SBF2: variants seen among roughly 807,000 people sequenced by gnomAD.
The protein encoded by SBF2 is SET binding factor 2, also known as myotubularin-related protein 13.
In SBF2, 112 loss-of-function variants were observed where a neutral mutation model predicts 225.2. The observed-to-expected ratio is 0.50, with a 90% CI of 0.43 to 0.58. SBF2 has a LOEUF of 0.58. Ranked by LOEUF, SBF2 falls within the 20% of genes least tolerant of loss-of-function variation. The probability of loss-of-function intolerance (pLI) is 0.00; values close to 1 mark genes in which losing one functional copy is unlikely to be tolerated. For synonymous variants in SBF2, 763 were observed against 773.3 expected (o/e 0.99, Z 0.22); for missense variants, 1,996 against 2,206.2 (o/e 0.90, Z 1.91).
intron 1 of SBF2, among the ~76,000 whole-genome samples, chr11:10,212,075 T>C (rs1957961868): frequency 6.6e-6 from 1 of 152,220 alleles, no homozygotes; most frequent in Admixed American, 6.5e-5. Flanking sequence ...GATGTGAGAC[T>C]GCTTTGGTAA....
rs1300927072 is a variant in SBF2 at position 10,177,429 on chromosome 11, A to T, written c.141+16473T>A. 2.0e-5 allele frequency among the ~76,000 whole-genome samples: 3 copies of T among 150,174 alleles called. No individual in the cohort carries two copies. In the East Asian group the frequency reaches 6.1e-4, roughly 30 times the overall value. ...CCCTGTTTGCAGACGACATGATTGT[A>T]TATCTAGAAAACCCCATTGTCTCAG... On this transcript the variant is annotated intron_variant, in intron 2 of 39. Coordinates refer to ENST00000256190, the MANE Select transcript of SBF2 (RefSeq NM_030962.4).
At chr11:9,856,897 C>G (rs1437975116) in intron 18 of SBF2, among the ~76,000 whole-genome samples, 177 bp from the exon 19 acceptor site, 2 of 151,558 alleles carry the variant, frequency 1.3e-5, no homozygotes, top group Non-Finnish European at 2.9e-5. Context: ...ACGCCATTCT[C>G]CTGCCTCAGC....
chr11:10,003,964 T>C (rs1948082326), intron 6 of SBF2, among the ~76,000 whole-genome samples: 1 of 152,202 alleles, frequency 6.6e-6, no homozygotes, highest in Non-Finnish European at 1.5e-5. Context: ...ATATTTTCCC[T>C]TTATCATAGC....
At position 9,781,614 on chromosome 11, in the gene SBF2, C is replaced by T; in HGVS notation, c.5344G>A (p.Asp1782Asn). 2 of 1,614,222 alleles carry T rather than the reference C, an allele frequency of 1.2e-6. No homozygotes were observed. Among genetic ancestry groups the T allele is most frequent in the Non-Finnish European group, 8.5e-7 (1 of 1,180,038 alleles). The change falls in exon 39 of 40, where the codon GAC becomes AAC. Residue 1782 changes from aspartate (D) to asparagine (N), a missense_variant. Physicochemically the swap from Asp to Asn is conservative, Grantham distance 23. Coordinates refer to ENST00000256190, the MANE Select transcript of SBF2 (RefSeq NM_030962.4). ...HQLRYYDSGE[D>N]TSCKGHIDLA... The stretch of plus-strand genomic sequence containing the variant: ...TCAATGTGGCCTTTACAGCTTGTGT[C>T]CTCACCTGAGTCATAGTAGCGCAGC...
chr11:9,981,285 C>T (rs894849678), intron 13 of SBF2, among the ~76,000 whole-genome samples: 2 of 152,102 alleles, frequency 1.3e-5, no homozygotes, highest in African/African-American at 4.8e-5. Flanking sequence ...CAACAATAGA[C>T]ACCGAGGACT....
chr11:9,846,211 A>G (rs1194904708), intron 23 of SBF2, among the ~76,000 whole-genome samples: 1 of 152,210 alleles, frequency 6.6e-6, no homozygotes, highest in Non-Finnish European at 1.5e-5. Context: ...TAGGCAGCCA[A>G]TGCTTTCAGG....
intron 2 of SBF2, among the ~76,000 whole-genome samples, chr11:10,066,231 G>A (rs1950618848): frequency 1.3e-5 from 2 of 151,544 alleles, no homozygotes; most frequent in South Asian, 2.1e-4. Flanking sequence ...TTATAAGGCC[G>A]ACATTACCAA....
chr11:10,030,831 C>A (rs566336750), intron 4 of SBF2, among the ~76,000 whole-genome samples: 6 of 152,286 alleles, frequency 3.9e-5, no homozygotes, highest in African/African-American at 1.4e-4. Context: ...TTAAAACAAA[C>A]ACTACATCCT....
chr11:9,916,121 C>G (rs1267813071), intron 16 of SBF2, among the ~76,000 whole-genome samples: 1 of 152,034 alleles, frequency 6.6e-6, no homozygotes, highest in African/African-American at 2.4e-5. Context: ...AATCTATGAG[C>G]TATCATAATG....
intron 28 of SBF2, 85 bp downstream of exon 28, chr11:9,829,270 TA>T: frequency 4.1e-6 from 6 of 1,456,222 alleles, no homozygotes; most frequent in Non-Finnish European, 5.8e-6. Flanking sequence ...ACAGTACAAA[TA>T]ACAAATAACA....
intron 2 of SBF2, among the ~76,000 whole-genome samples, chr11:10,048,697 T>C (rs987322855): frequency 1.3e-5 from 2 of 152,216 alleles, no homozygotes; most frequent in Admixed American, 6.5e-5. Context: ...TGTAATATTT[T>C]AAGACTTCTA....
chr11:10,017,356 A>G lies in SBF2; in HGVS notation c.619+11096T>C, dbSNP rs117481048. ...TTCAAAAAGCCCTGCACAATTTATT[A>G]TAGTTCTTTCTGGCCAACCCACAAC... On this transcript the variant is annotated intron_variant, in intron 6 of 39. Coordinates refer to ENST00000256190, the MANE Select transcript of SBF2 (RefSeq NM_030962.4). 3.2e-3 allele frequency among the ~76,000 whole-genome samples: 487 copies of G among 152,342 alleles called. 3 individuals carry two copies. Among genetic ancestry groups the G allele is most frequent in the South Asian group, 0.016 (78 of 4,826 alleles).
chr11:10,144,939 C>T (rs1954818564), intron 2 of SBF2, among the ~76,000 whole-genome samples: 1 of 152,200 alleles, frequency 6.6e-6, no homozygotes, highest in South Asian at 2.1e-4. Flanking sequence ...GTGCAAATGC[C>T]TTTTCTCTTT....
chr11:10,235,083 C>G (rs10840377), intron 1 of SBF2, among the ~76,000 whole-genome samples: 33,864 of 152,062 alleles, frequency 0.22, 4,417 homozygotes, highest in Non-Finnish European at 0.3. Flanking sequence ...ACCTTCCTTA[C>G]GGTACTTATA....
intron 16 of SBF2, among the ~76,000 whole-genome samples, chr11:9,938,733 A>T (rs555457597): frequency 2.0e-5 from 3 of 152,290 alleles, no homozygotes; most frequent in Admixed American, 6.5e-5. Context: ...AATATACTGT[A>T]TAGTTATAAA....
chr11:9,924,316 A>G (rs1863860164), intron 16 of SBF2, among the ~76,000 whole-genome samples: 1 of 152,222 alleles, frequency 6.6e-6, no homozygotes, highest in Non-Finnish European at 1.5e-5. Context: ...TAGGCTTTGT[A>G]TTAGATGATT....
intron 29 of SBF2, among the ~76,000 whole-genome samples, chr11:9,815,805 G>A (rs1418391235): frequency 6.6e-6 from 1 of 152,192 alleles, no homozygotes. Context: ...CACATATGCA[G>A]ATTTAAAACT....
chr11:9,891,540 A>G (rs976777380), intron 17 of SBF2, among the ~76,000 whole-genome samples: 2 of 152,228 alleles, frequency 1.3e-5, no homozygotes, highest in Admixed American at 1.3e-4. Context: ...TCTGAAACAG[A>G]TATAAGCACA....
Position 10,236,212 on chromosome 11 carries a change from G to T in SBF2, c.56-42225C>A, listed in dbSNP as rs150381394. On this transcript the variant is annotated intron_variant, in intron 1 of 39. Transcript: ENST00000256190. Reference sequence around the variant, plus strand: ...CATGCCTGTAATCCCATCAAATTGGGAGGCCCAAGCAGGAGGATTGCTTGA... The same window carrying T: ...CATGCCTGTAATCCCATCAAATTGGTAGGCCCAAGCAGGAGGATTGCTTGA... 9.8e-5 allele frequency among the ~76,000 whole-genome samples: 15 copies of T among 152,300 alleles called. 1 individual carries two copies. The highest frequency in any genetic ancestry group is 3.1e-4 in the African/African-American group (13 of 41,576).
Sources: gnomAD v4.1 joint callset for allele counts (sites outside exome capture counted in the v4.1 genomes callset) on GRCh38, gnomAD v4.1.1 for gene constraint, MANE v1.5 for transcripts, NCBI Gene and HGNC (gene_info 2026-07-23, HGNC 2026-07-21) for gene names.